Variants in RHOJ observed in about 807,000 individuals in gnomAD.
The protein encoded by RHOJ is ras homolog family member J.
In RHOJ, 11 loss-of-function variants were observed where a neutral mutation model predicts 23.4. The observed-to-expected ratio is 0.47, with a 90% confidence interval of 0.30 to 0.78. RHOJ has a LOEUF of 0.78. Among genes scored for constraint, RHOJ ranks in the 30% least tolerant of loss-of-function variants. The pLI, the probability that RHOJ is intolerant of heterozygous loss-of-function variation, is 0.08. For synonymous variants in RHOJ, 102 were observed against 102.7 expected (o/e 0.99, Z 0.04); for missense variants, 254 against 273.4 (o/e 0.93, Z 0.50).
At chr14:63,257,984 T>G (rs192096016) in intron 1 of RHOJ, among the ~76,000 whole-genome samples, 4 of 149,808 alleles carry the variant, frequency 2.7e-5, no homozygotes, top group Admixed American at 1.3e-4. Context: ...CCCAGCACTT[T>G]GCGAGGCCGA....
At chr14:63,266,708 G>A (rs1895373730) in intron 1 of RHOJ, among the ~76,000 whole-genome samples, 3 of 152,160 alleles carry the variant, frequency 2.0e-5, no homozygotes, top group African/African-American at 7.2e-5. Flanking sequence ...CAGCCTGAAT[G>A]TTATTGGTGT....
intron 1 of RHOJ, among the ~76,000 whole-genome samples, chr14:63,214,550 C>T (rs113117920): frequency 4.3e-4 from 65 of 152,268 alleles, no homozygotes; most frequent in African/African-American, 1.4e-3. Flanking sequence ...CTCTTGGAAA[C>T]GGCTAGCAAA....
intron 1 of RHOJ, among the ~76,000 whole-genome samples, chr14:63,256,192 G>A (rs949308215): frequency 2.6e-5 from 4 of 152,100 alleles, no homozygotes; most frequent in South Asian, 2.1e-4. Flanking sequence ...GCCTGGCCAC[G>A]TGTTTATCCC....
chr14:63,254,118 A>T (rs1895120173), intron 1 of RHOJ, among the ~76,000 whole-genome samples: 1 of 152,046 alleles, frequency 6.6e-6, no homozygotes, highest in Admixed American at 6.6e-5. Flanking sequence ...GCCTTATGTC[A>T]CACAGGACCG....
At chr14:63,261,673 T>TTAAGCAATCCTCCTGCCTCAGC (rs1164539952) in intron 1 of RHOJ, among the ~76,000 whole-genome samples, 4 of 151,950 alleles carry the variant, frequency 2.6e-5, no homozygotes, top group Non-Finnish European at 5.9e-5. Flanking sequence ...ACTCTTGAGC[T>TTAAGCAATCCTCCTGCCTCAGC]TAAGCAATCC....
intron 1 of RHOJ, among the ~76,000 whole-genome samples, chr14:63,252,686 T>C (rs1324932187): frequency 6.6e-6 from 1 of 152,122 alleles, no homozygotes; most frequent in Non-Finnish European, 1.5e-5. Context: ...TGACTCTCAC[T>C]CCTAGCCATC....
At chr14:63,255,831 C>T (rs557034921) in intron 1 of RHOJ, among the ~76,000 whole-genome samples, 2 of 152,036 alleles carry the variant, frequency 1.3e-5, no homozygotes, top group South Asian at 2.1e-4. Context: ...CTGGGGCATT[C>T]GCAAATCATT....
intron 1 of RHOJ, among the ~76,000 whole-genome samples, chr14:63,264,923 T>G (rs1895340489): frequency 6.6e-6 from 1 of 152,218 alleles, no homozygotes; most frequent in African/African-American, 2.4e-5. Flanking sequence ...CTCTGTCAGA[T>G]GTGTGGTTTG....
intron 1 of RHOJ, among the ~76,000 whole-genome samples, chr14:63,267,322 G>T (rs1334894062): frequency 6.6e-6 from 1 of 152,188 alleles, no homozygotes; most frequent in African/African-American, 2.4e-5. Context: ...GGCACTCCAG[G>T]GCTCCCATAA....
chr14:63,217,059 C>A (rs980775335), intron 1 of RHOJ, among the ~76,000 whole-genome samples: 19 of 139,994 alleles, frequency 1.4e-4, no homozygotes, highest in Non-Finnish European at 1.6e-5. Flanking sequence ...TTGACCTATT[C>A]TTTCCCGCTT....
At chr14:63,260,151 C>G (rs1180008383) in intron 1 of RHOJ, among the ~76,000 whole-genome samples, 1 of 152,174 alleles carries the variant, frequency 6.6e-6, no homozygotes, top group Non-Finnish European at 1.5e-5. Context: ...CTTTATAGCT[C>G]ATATATTTCT....
At chr14:63,286,000 G>A (rs993935160) in intron 4 of RHOJ, among the ~76,000 whole-genome samples, 8 of 152,168 alleles carry the variant, frequency 5.3e-5, no homozygotes, top group Non-Finnish European at 7.4e-5. Flanking sequence ...GCCTTTTGTC[G>A]TTGTCACTCT....
intron 1 of RHOJ, among the ~76,000 whole-genome samples, chr14:63,235,885 A>G (rs368208411): frequency 1.3e-5 from 2 of 152,230 alleles, no homozygotes; most frequent in South Asian, 4.1e-4. Flanking sequence ...ATTTTCTCCT[A>G]GAGAAGAAAT....
At position 63,291,336 on chromosome 14, in the gene RHOJ, T is replaced by G; in HGVS notation, c.*312T>G. The G allele has an allele frequency of 2.6e-6, 1 of 377,752 alleles. No individual in the cohort carries two copies. The highest frequency in any genetic ancestry group is 5.0e-6 in the Non-Finnish European group (1 of 199,726). 23.4% of individuals were successfully genotyped at this position (377,752 alleles called of 1,614,324 possible). A position where few individuals can be genotyped will look rare whatever the true frequency, so the allele number is the denominator to read the frequency against. On this transcript the variant is annotated 3_prime_UTR_variant, in exon 5 of 5. Coordinates refer to ENST00000316754, the MANE Select transcript of RHOJ (RefSeq NM_020663.5). Reference sequence around the variant, plus strand: ...TCACATTTTACAAATCCCCAGCTCATGAACGTGAAGCTGATAGGAAATCAC... The same window carrying G: ...TCACATTTTACAAATCCCCAGCTCAGGAACGTGAAGCTGATAGGAAATCAC...
chr14:63,226,756 A>G (rs1457003852), intron 1 of RHOJ, among the ~76,000 whole-genome samples: 1 of 152,056 alleles, frequency 6.6e-6, no homozygotes, highest in Non-Finnish European at 1.5e-5. Flanking sequence ...AATTTTTGCT[A>G]GGATAATTAA....
intron 1 of RHOJ, among the ~76,000 whole-genome samples, chr14:63,244,225 G>T (rs1894935423): frequency 6.6e-6 from 1 of 152,072 alleles, no homozygotes; most frequent in Non-Finnish European, 1.5e-5. Flanking sequence ...AGCTGCTATT[G>T]TTGCTATTAT....
At chr14:63,215,718 T>C (rs1199406603) in intron 1 of RHOJ, among the ~76,000 whole-genome samples, 1 of 152,156 alleles carries the variant, frequency 6.6e-6, no homozygotes, top group Non-Finnish European at 1.5e-5. Flanking sequence ...ATTAAGTTGG[T>C]CCCCCTTTCA....
In RHOJ at chr14:63,291,782, T is replaced by C. The variant is rs1424421179; in HGVS notation, c.*758T>C. ...GCCAAAGATACACTCTATAGATGCTTAGTAGTGGCCTGATTTTTTTCCATG... is the reference window on the plus strand; with the variant it reads ...GCCAAAGATACACTCTATAGATGCTCAGTAGTGGCCTGATTTTTTTCCATG... On this transcript the variant is annotated 3_prime_UTR_variant, in exon 5 of 5. Transcript: ENST00000316754. 4 of 153,038 alleles carry C rather than the reference T, an allele frequency of 2.6e-5. No individual in the cohort carries two copies. Among genetic ancestry groups the C allele is most frequent in the Non-Finnish European group, 2.9e-5 (2 of 68,326 alleles). 9.5% of individuals were successfully genotyped at this position (153,038 alleles called of 1,614,324 possible). A position where few individuals can be genotyped will look rare whatever the true frequency, so the allele number is the denominator to read the frequency against.
At chr14:63,236,174 G>A (rs1894785812) in intron 1 of RHOJ, among the ~76,000 whole-genome samples, 1 of 152,160 alleles carries the variant, frequency 6.6e-6, no homozygotes, top group African/African-American at 2.4e-5. Context: ...AGAGGCTACA[G>A]GCTCTGTTTC....
Sources: gnomAD v4.1 joint callset for allele counts (sites outside exome capture counted in the v4.1 genomes callset) on GRCh38, gnomAD v4.1.1 for gene constraint, MANE v1.5 for transcripts, NCBI Gene and HGNC (gene_info 2026-07-23, HGNC 2026-07-21) for gene names.